Variants in RGL1 observed in about 807,000 individuals in gnomAD.
The protein encoded by RGL1 is ral guanine nucleotide dissociation stimulator like 1.
A neutral mutation model predicts 95.2 loss-of-function variants in RGL1; 24 were observed. That is an observed-to-expected ratio of 0.25 (90% CI 0.18 to 0.35). The LOEUF is 0.35. Among genes scored for constraint, RGL1 ranks in the 10% least tolerant of loss-of-function variants. The pLI, the probability that RGL1 is intolerant of heterozygous loss-of-function variation, is 1.00. For synonymous variants in RGL1, 329 were observed against 344.9 expected (o/e 0.95, Z 0.51); for missense variants, 715 against 936.3 (o/e 0.76, Z 3.08).
At chr1:183,885,487 G>A (rs1170616598) in intron 7 of RGL1, among the ~76,000 whole-genome samples, 1 of 152,200 alleles carries the variant, frequency 6.6e-6, no homozygotes, top group East Asian at 1.9e-4. Flanking sequence ...TTAATCTGAA[G>A]TTGGAGGGGA....
rs746891091 is a variant in RGL1 at position 183,721,930 on chromosome 1, T to TA, written c.-32-20195dup. Among the ~76,000 whole-genome samples the TA allele has an allele frequency of 6.6e-5, 10 of 152,320 alleles. No homozygotes were observed. The East Asian group carries it at 7.7e-4, about 12-fold the overall frequency. On this transcript the variant is annotated intron_variant, in intron 1 of 18. Transcript: ENST00000304685. ...CTCTGTCACTAGATTAAAGACCTCA[T>TA]AGGGTCAGGGTCTGTGACTATTTCA... is the stretch of plus-strand genomic sequence containing the variant.
intron 2 of RGL1, among the ~76,000 whole-genome samples, chr1:183,843,974 C>A (rs761005137): frequency 6.6e-5 from 10 of 152,106 alleles, no homozygotes; most frequent in Non-Finnish European, 1.2e-4. Context: ...ACTACAGGCA[C>A]GCACATTACA....
At chr1:183,659,919 A>C (rs1332666708) in intron 1 of RGL1, among the ~76,000 whole-genome samples, 1 of 149,856 alleles carries the variant, frequency 6.7e-6, no homozygotes, top group African/African-American at 2.5e-5. Context: ...TCTTAAAGAA[A>C]AGAATTTTCA....
chr1:183,800,362 A>G (rs896737672), upstream of RGL1, among the ~76,000 whole-genome samples: 1 of 152,080 alleles, frequency 6.6e-6, no homozygotes, highest in African/African-American at 2.4e-5. Context: ...CTCTTTATCT[A>G]TTGGCTCTGG....
At chr1:183,908,361 G>A (rs1229457917) in intron 14 of RGL1, among the ~76,000 whole-genome samples, 1 of 152,176 alleles carries the variant, frequency 6.6e-6, no homozygotes, top group African/African-American at 2.4e-5. Flanking sequence ...GGCCACGCAG[G>A]CTGCTATCTG....
intron 1 of RGL1, among the ~76,000 whole-genome samples, chr1:183,640,541 A>G (rs1184123240): frequency 6.6e-6 from 1 of 152,212 alleles, no homozygotes; most frequent in Non-Finnish European, 1.5e-5. Context: ...AGTGCCAAAG[A>G]ATAAGTCTTA....
intron 2 of RGL1, among the ~76,000 whole-genome samples, chr1:183,830,356 G>T (rs939874575): frequency 5.9e-5 from 9 of 152,182 alleles, no homozygotes; most frequent in African/African-American, 2.2e-4. Context: ...GACTTATTTT[G>T]CATGACATCT....
chr1:183,831,181 T>C lies in RGL1; in HGVS notation c.139-16385T>C, dbSNP rs1333090556. Among the ~76,000 whole-genome samples the C allele has an allele frequency of 2.0e-5, 3 of 152,216 alleles. No individual in the cohort carries two copies. The East Asian group carries it at 5.8e-4, about 29-fold the overall frequency. On this transcript the variant is annotated intron_variant, in intron 2 of 17. Transcript: ENST00000360851. ...AGTGTGACACTGACCAGAGGGGTGC[T>C]CTAGGGGGTTTATCTGAGTAAGTAC... is the stretch of plus-strand genomic sequence containing the variant.
chr1:183,805,471 A>G (rs1661229584), intron 1 of RGL1, 147 bp downstream of exon 1: 4 of 742,496 alleles, frequency 5.4e-6, no homozygotes, highest in Non-Finnish European at 9.5e-6. Context: ...TCCGCTTTGT[A>G]TTCCTCTCTC....
At chr1:183,713,946 G>A (rs1655460585) in intron 1 of RGL1, among the ~76,000 whole-genome samples, 1 of 152,092 alleles carries the variant, frequency 6.6e-6, no homozygotes, top group South Asian at 2.1e-4. Flanking sequence ...TCGAAAAAGG[G>A]CTATAACCTC....
chr1:183,832,402 A>C (rs532879920), intron 2 of RGL1, among the ~76,000 whole-genome samples: 2 of 152,370 alleles, frequency 1.3e-5, no homozygotes, highest in Admixed American at 1.3e-4. Flanking sequence ...TGGAAATTCA[A>C]GTCTAGAATT....
At chr1:183,723,162 G>A (rs1041975923) in intron 1 of RGL1, among the ~76,000 whole-genome samples, 3 of 152,088 alleles carry the variant, frequency 2.0e-5, no homozygotes, top group Non-Finnish European at 4.4e-5. Flanking sequence ...AGCCCTAGAT[G>A]AATCATTAAA....
chr1:183,794,009 A>G (rs748486823), intron 2 of RGL1, among the ~76,000 whole-genome samples: 1 of 151,942 alleles, frequency 6.6e-6, no homozygotes, highest in African/African-American at 2.4e-5. Context: ...ACGATATAGA[A>G]TCAACCTAAG....
In RGL1 at chr1:183,742,161, G is replaced by T; in HGVS notation, c.4G>T (p.Glu2Ter). ...CCTCCTGCCTGCCTCTTTCAAGATGGAGGTGAAACCTGTGGGAGAACCTAC... is the reference window on the plus strand; with the variant it reads ...CCTCCTGCCTGCCTCTTTCAAGATGTAGGTGAAACCTGTGGGAGAACCTAC... Residue 2 changes from glutamate to a stop codon, truncating the protein, a stop_gained, in exon 2 of 19, where the codon GAG becomes TAG. Coordinates refer to the RGL1 transcript ENST00000304685. LOFTEE classifies it high-confidence loss of function. 1 of 1,613,984 alleles carries T rather than the reference G, an allele frequency of 6.2e-7. No individual in the cohort carries two copies. The highest frequency in any genetic ancestry group is 8.5e-7 in the Non-Finnish European group (1 of 1,179,910).
chr1:183,787,576 A>G (rs1660240416), intron 2 of RGL1, among the ~76,000 whole-genome samples: 1 of 152,180 alleles, frequency 6.6e-6, no homozygotes, highest in Admixed American at 6.5e-5. Flanking sequence ...GGAACAAATG[A>G]TAACATTAGC....
chr1:183,875,286 G>A (rs1380781872), intron 4 of RGL1, among the ~76,000 whole-genome samples: 1 of 152,114 alleles, frequency 6.6e-6, no homozygotes, highest in African/African-American at 2.4e-5. Context: ...TGGGAGAGGT[G>A]ACTTCATACC....
intron 1 of RGL1, among the ~76,000 whole-genome samples, chr1:183,718,741 C>T (rs1355540286): frequency 6.6e-6 from 1 of 151,674 alleles, no homozygotes; most frequent in African/African-American, 2.4e-5. Flanking sequence ...ATGGTGAAAC[C>T]CCCGTCTCTA....
intron 17 of RGL1, among the ~76,000 whole-genome samples, chr1:183,925,095 G>A (rs1321984945): frequency 1.3e-5 from 2 of 152,180 alleles, no homozygotes; most frequent in Admixed American, 1.3e-4. Context: ...ATGTCTAGTT[G>A]GGAATCATTG....
At chr1:183,641,399 T>G (rs1649913582) in intron 1 of RGL1, among the ~76,000 whole-genome samples, 1 of 152,196 alleles carries the variant, frequency 6.6e-6, no homozygotes, top group Non-Finnish European at 1.5e-5. Flanking sequence ...CCTCTCACAG[T>G]GCTAGGATTA....
Sources: gnomAD v4.1 joint callset for allele counts (sites outside exome capture counted in the v4.1 genomes callset) on GRCh38, gnomAD v4.1.1 for gene constraint, MANE v1.5 for transcripts, NCBI Gene and HGNC (gene_info 2026-07-23, HGNC 2026-07-21) for gene names.